The following LRRTM3 variants were observed in gnomAD, a reference collection of about 807,000 sequenced individuals.
LRRTM3 encodes leucine rich repeat transmembrane neuronal 3, also known as leucine-rich repeat transmembrane neuronal protein 3.
LRRTM3 carries 24 observed loss-of-function variants against 44.7 expected under a neutral mutation model. The ratio of observed to expected loss-of-function variants is 0.54; its 90% CI spans 0.39 to 0.76. LRRTM3 has a LOEUF of 0.76. Among genes scored for constraint, LRRTM3 ranks in the 30% least tolerant of loss-of-function variants. The pLI, the probability that LRRTM3 is intolerant of heterozygous loss-of-function variation, is 0.00. For missense variants in LRRTM3, 587 were observed against 702.2 expected, an observed-to-expected ratio of 0.84 and a Z score of 1.85; for synonymous variants, 277 against 278.7, an observed-to-expected ratio of 0.99 and a Z score of 0.06.
chr10:67,068,139 G>C (rs1035806890), intron 2 of LRRTM3, among the ~76,000 whole-genome samples: 9 of 152,056 alleles, frequency 5.9e-5, no homozygotes, highest in African/African-American at 2.2e-4. Context: ...AATAATGAGA[G>C]CTAAACTAAG....
At chr10:67,096,563 A>G (rs1331346112) in intron 2 of LRRTM3, among the ~76,000 whole-genome samples, 12 of 151,902 alleles carry the variant, frequency 7.9e-5, no homozygotes, top group Admixed American at 7.9e-4. Context: ...ATATTAAACC[A>G]AGATCAGGAC....
intron 2 of LRRTM3, among the ~76,000 whole-genome samples, chr10:67,044,714 G>C (rs1854616775): frequency 1.3e-5 from 2 of 152,038 alleles, no homozygotes; most frequent in Admixed American, 1.3e-4. Context: ...AGAACTCTTA[G>C]GGATGTTATA....
At chr10:67,051,469 T>G (rs1855093193) in intron 2 of LRRTM3, among the ~76,000 whole-genome samples, 1 of 151,476 alleles carries the variant, frequency 6.6e-6, no homozygotes, top group African/African-American at 2.4e-5. Flanking sequence ...TTTTCTTTTT[T>G]TTTTTTTGGT....
rs180811693 is a variant in LRRTM3, at chr10:66,926,443, C to G, written c.-141C>G. 1.2e-5 allele frequency: 10 copies of G among 855,766 alleles called. No homozygotes were observed. Among genetic ancestry groups the G allele is most frequent in the Admixed American group, 4.5e-5 (2 of 44,798 alleles). The allele number at this position is 855,766 out of a possible 1,614,324, so 53.0% of individuals were successfully genotyped here. Reference sequence around the variant, plus strand: ...CAAAGAATAATGTTCCAAAATCGGTCCATCTCCCAAGGGGTCCAATTTTTC... The same window carrying G: ...CAAAGAATAATGTTCCAAAATCGGTGCATCTCCCAAGGGGTCCAATTTTTC... On this transcript the variant is annotated 5_prime_UTR_variant, in exon 1 of 3. Coordinates refer to ENST00000361320, the MANE Select transcript of LRRTM3 (RefSeq NM_178011.5).
At chr10:67,095,445 G>T (rs989739525) in intron 2 of LRRTM3, among the ~76,000 whole-genome samples, 2 of 151,748 alleles carry the variant, frequency 1.3e-5, no homozygotes, top group Non-Finnish European at 2.9e-5. Flanking sequence ...TAATATGTGG[G>T]ATTTTTAAAA....
At chr10:67,039,330 A>G (rs938207958) in intron 2 of LRRTM3, among the ~76,000 whole-genome samples, 6 of 152,158 alleles carry the variant, frequency 3.9e-5, no homozygotes, top group African/African-American at 1.4e-4. Flanking sequence ...ATGCTAAAAT[A>G]AGTTATTTAT....
At chr10:67,012,031 A>C (rs1272472006) in intron 2 of LRRTM3, among the ~76,000 whole-genome samples, 1 of 152,170 alleles carries the variant, frequency 6.6e-6, no homozygotes, top group African/African-American at 2.4e-5. Context: ...TATATGAGGA[A>C]ACAGAAACTT....
At chr10:66,964,166 C>T (rs944977672) in intron 2 of LRRTM3, among the ~76,000 whole-genome samples, 4 of 151,956 alleles carry the variant, frequency 2.6e-5, no homozygotes, top group African/African-American at 7.3e-5. Context: ...CAATTTCTGT[C>T]CACAGTAACA....
intron 2 of LRRTM3, among the ~76,000 whole-genome samples, chr10:66,967,612 T>C (rs1288130647): frequency 6.6e-6 from 1 of 151,922 alleles, no homozygotes; most frequent in Non-Finnish European, 1.5e-5. Context: ...TGTAAAACAG[T>C]CCATTAAAAT....
intron 2 of LRRTM3, among the ~76,000 whole-genome samples, chr10:66,970,602 G>A (rs760905810): frequency 1.3e-5 from 2 of 151,932 alleles, no homozygotes; most frequent in African/African-American, 2.4e-5. Context: ...AAAGAGGAAG[G>A]TATAGAAATT....
At chr10:67,063,483 C>A (rs150050012) in intron 2 of LRRTM3, among the ~76,000 whole-genome samples, 1 of 152,246 alleles carries the variant, frequency 6.6e-6, no homozygotes, top group East Asian at 1.9e-4. Flanking sequence ...GTCAAGAGTT[C>A]ACTCCAGCTG....
intron 2 of LRRTM3, among the ~76,000 whole-genome samples, chr10:67,071,679 T>C (rs1856472999): frequency 6.6e-6 from 1 of 152,162 alleles, no homozygotes; most frequent in South Asian, 2.1e-4. Context: ...ATTCTTGGCC[T>C]TAACTCCTCA....
chr10:67,068,276 C>T (rs1856215441), intron 2 of LRRTM3, among the ~76,000 whole-genome samples: 1 of 152,102 alleles, frequency 6.6e-6, no homozygotes, highest in Non-Finnish European at 1.5e-5. Context: ...TCCAAAATAG[C>T]TCCAAGGCTG....
intron 2 of LRRTM3, among the ~76,000 whole-genome samples, chr10:66,983,174 C>T (rs1850540259): frequency 1.3e-5 from 2 of 152,268 alleles, no homozygotes; most frequent in Admixed American, 1.3e-4. Context: ...TTTGAAAACA[C>T]TGCAGTGTCT....
chr10:67,070,285 T>C (rs1241652514), intron 2 of LRRTM3, among the ~76,000 whole-genome samples: 2 of 152,338 alleles, frequency 1.3e-5, no homozygotes, highest in East Asian at 3.9e-4. Flanking sequence ...GGAGTTCTTA[T>C]GTAATCTGAA....
At chr10:66,952,253 C>T (rs937776611) in intron 2 of LRRTM3, among the ~76,000 whole-genome samples, 5 of 152,128 alleles carry the variant, frequency 3.3e-5, no homozygotes, top group African/African-American at 1.2e-4. Flanking sequence ...TGAAACTATG[C>T]AGGGGACAGA....
intron 2 of LRRTM3, among the ~76,000 whole-genome samples, chr10:67,093,458 T>C (rs1395134080): frequency 6.6e-6 from 1 of 151,804 alleles, no homozygotes; most frequent in East Asian, 1.9e-4. Context: ...GAGAGGTTAC[T>C]GTGAAAAAAA....
intron 2 of LRRTM3, among the ~76,000 whole-genome samples, chr10:67,081,630 T>G (rs981566980): frequency 6.6e-6 from 1 of 152,234 alleles, no homozygotes; most frequent in Admixed American, 6.5e-5. Flanking sequence ...TATTCTCATA[T>G]GTATACCTGT....
At chr10:67,045,637 G>T (rs1239731494) in intron 2 of LRRTM3, among the ~76,000 whole-genome samples, 1 of 152,182 alleles carries the variant, frequency 6.6e-6, no homozygotes, top group Non-Finnish European at 1.5e-5. Context: ...CCGTTTCCCA[G>T]GACTAGGGGC....
Sources: gnomAD v4.1 joint callset for allele counts (sites outside exome capture counted in the v4.1 genomes callset) on GRCh38, gnomAD v4.1.1 for gene constraint, MANE v1.5 for transcripts, NCBI Gene and HGNC (gene_info 2026-07-23, HGNC 2026-07-21) for gene names.